AFP: variants seen among roughly 807,000 people sequenced by gnomAD.
The protein encoded by AFP is alpha fetoprotein.
In AFP, 64 loss-of-function variants were observed where a neutral mutation model predicts 78.9. That is an observed-to-expected ratio of 0.81 (90% CI 0.66 to 1.00). The LOEUF (loss-of-function observed/expected upper bound fraction) is 1.00, where lower values mean the gene tolerates loss of function less well. Ranked by LOEUF, AFP falls within the 50% of genes least tolerant of loss-of-function variation. The probability of loss-of-function intolerance (pLI) is 0.00; values close to 1 mark genes in which losing one functional copy is unlikely to be tolerated. For synonymous variants in AFP, 254 were observed against 243.8 expected (o/e 1.04, Z -0.39); for missense variants, 689 against 703.8 (o/e 0.98, Z 0.24).
chr4:73,449,303 T>A, intron 8 of AFP, 32 bp from the exon 9 acceptor site: 1 of 1,599,596 alleles, frequency 6.3e-7, no homozygotes, highest in Non-Finnish European at 8.6e-7. Flanking sequence ...TTAGTTCCAA[T>A]AACTTGAAAT....
chr4:73,437,041 G>A, intron 1 of AFP, 119 bp from the exon 2 acceptor site: 2 of 788,506 alleles, frequency 2.5e-6, no homozygotes, highest in Middle Eastern at 2.7e-4. Context: ...TATCCCTAAT[G>A]TTCTTTTAAT....
intron 11 of AFP, among the ~76,000 whole-genome samples, chr4:73,451,381 A>G (rs182715112): frequency 2.0e-5 from 3 of 152,198 alleles, no homozygotes; most frequent in East Asian, 1.9e-4. Context: ...TATTTTTCCT[A>G]TAAAGTCATA....
chr4:73,443,944 AAAG>A (rs1365865990), intron 6 of AFP, among the ~76,000 whole-genome samples: 1 of 152,170 alleles, frequency 6.6e-6, no homozygotes, highest in Non-Finnish European at 1.5e-5. Flanking sequence ...TGTCAGGAGA[AAAG>A]AACATTTTAA....
At chr4:73,437,760 T>A (rs1462725798) in intron 2 of AFP, among the ~76,000 whole-genome samples, 1 of 152,046 alleles carries the variant, frequency 6.6e-6, no homozygotes, top group Non-Finnish European at 1.5e-5. Context: ...AGCACTGTAG[T>A]CTTGGGTTTT....
intron 8 of AFP, 62 bp from the exon 9 acceptor site, chr4:73,449,273 G>A (rs569289389): frequency 1.4e-6 from 2 of 1,475,328 alleles, no homozygotes; most frequent in South Asian, 2.3e-5. Context: ...AACTGGAGAA[G>A]TGATGGCTCC....
At chr4:73,448,536 A>G (rs1256774419) in intron 8 of AFP, among the ~76,000 whole-genome samples, 1 of 152,194 alleles carries the variant, frequency 6.6e-6, no homozygotes, top group Non-Finnish European at 1.5e-5. Context: ...AAATAAAATT[A>G]TGTAAGCTAG....
chr4:73,449,896 C>A, intron 9 of AFP, 140 bp from the exon 10 acceptor site: 1 of 634,212 alleles, frequency 1.6e-6, no homozygotes, highest in Non-Finnish European at 2.7e-6. Flanking sequence ...CTGTAATTAT[C>A]AAAATTTACA....
intron 10 of AFP, 114 bp downstream of exon 10, chr4:73,450,247 G>T (rs1719950193): frequency 3.3e-6 from 3 of 921,838 alleles, no homozygotes; most frequent in Non-Finnish European, 3.4e-6. Context: ...CTGATCTGTG[G>T]TATTGACTTT....
At chr4:73,437,268 C>A in intron 2 of AFP, 57 bp downstream of exon 2, 1 of 1,445,346 alleles carries the variant, frequency 6.9e-7, no homozygotes, top group Non-Finnish European at 9.7e-7. Context: ...TAAGTAAATA[C>A]TTAAATAAAA....
chr4:73,446,450 C>T (rs1719829667), intron 7 of AFP, among the ~76,000 whole-genome samples: 1 of 152,138 alleles, frequency 6.6e-6, no homozygotes, highest in Non-Finnish European at 1.5e-5. Flanking sequence ...ATTATCTTTG[C>T]TGAGAATGTA....
At chr4:73,449,608 T>G in intron 9 of AFP, 141 bp downstream of exon 9, 2 of 1,008,470 alleles carry the variant, frequency 2.0e-6, no homozygotes, top group Non-Finnish European at 3.0e-6. Context: ...AAGCTGTTAT[T>G]AACTAGCAGT....
intron 14 of AFP, 142 bp downstream of exon 14, chr4:73,455,432 G>A: frequency 1.4e-6 from 1 of 735,712 alleles, no homozygotes. Context: ...AAAAACACTT[G>A]AACAAAATTA....
intron 13 of AFP, among the ~76,000 whole-genome samples, chr4:73,455,010 G>T (rs940298157): frequency 2.0e-5 from 3 of 152,102 alleles, no homozygotes; most frequent in Non-Finnish European, 4.4e-5. Context: ...TTGAGAATAC[G>T]CATTGATTTG....
At chr4:73,450,845 C>T (rs1719972205) in intron 11 of AFP, 92 bp downstream of exon 11, 1 of 1,599,904 alleles carries the variant, frequency 6.3e-7, no homozygotes, top group East Asian at 2.2e-5. Flanking sequence ...ACGGTAAAAA[C>T]CAATGTAGAG....
chr4:73,444,133 T>A (rs1316423328), intron 6 of AFP, among the ~76,000 whole-genome samples: 1 of 152,150 alleles, frequency 6.6e-6, no homozygotes, highest in Non-Finnish European at 1.5e-5. Flanking sequence ...AAATCTAGAA[T>A]GAAGTTTTTA....
rs751871491 is a variant in AFP, at chr4:73,436,355, AT to A, written c.85+12del. 2.0e-6 allele frequency: 3 copies of A among 1,503,918 alleles called. No individual in the cohort carries two copies. The highest frequency in any genetic ancestry group is 2.7e-6 in the Non-Finnish European group (3 of 1,098,680). The allele number at this position is 1,503,918 out of a possible 1,614,324, so 93.2% of individuals were successfully genotyped here. On this transcript the variant is annotated intron_variant, in intron 1 of 14. Transcript: ENST00000395792. ...GAAATGAATATGGAATAGGTGAGATATTTTGTGTTTTTCTTGTCTTTTCTCT... is the reference window on the plus strand; with the variant it reads ...GAAATGAATATGGAATAGGTGAGATATTTGTGTTTTTCTTGTCTTTTCTCT...
rs377110965 is a variant in AFP, at chr4:73,448,011, G to A, written c.1058+335G>A. On this transcript the variant is annotated intron_variant, in intron 8 of 14. Transcript: ENST00000395792. ...AAGGCCACCATTGAACTCTCAAATA[G>A]GATATGGATATTTTTGTAATAAGAA... 3.4e-4 allele frequency among the ~76,000 whole-genome samples: 52 copies of A among 152,136 alleles called. 1 individual carries two copies. In the South Asian group the frequency reaches 7.9e-3, roughly 23 times the overall value.
At chr4:73,443,509 T>C in intron 6 of AFP, 65 bp downstream of exon 6, 1 of 1,297,780 alleles carries the variant, frequency 7.7e-7, no homozygotes, top group Non-Finnish European at 1.1e-6. Context: ...GCAATTTGGG[T>C]TCGTTTTTTT....
Position 73,442,552 on chromosome 4 carries a change from T to G in AFP, c.615+124T>G, listed in dbSNP as rs117516102. ...ATCGTTTTTGGAATAGAGAAATAGT[T>G]CAGCAGTCTGATATTCTTCGAGTGA... On this transcript the variant is annotated intron_variant, in intron 5 of 14. Transcript: ENST00000395792. 5.4e-4 allele frequency: 628 copies of G among 1,159,848 alleles called. 5 individuals carry two copies. In the East Asian group the frequency reaches 0.015, roughly 27 times the overall value. The allele number at this position is 1,159,848 out of a possible 1,614,324, so 71.8% of individuals were successfully genotyped here. A position where few individuals can be genotyped will look rare whatever the true frequency, so the allele number is the denominator to read the frequency against.
Sources: allele counts gnomAD v4.1 joint callset (sites outside exome capture counted in the v4.1 genomes callset), GRCh38; gene constraint gnomAD v4.1.1; transcripts MANE v1.5; gene names NCBI Gene and HGNC (gene_info 2026-07-23, HGNC 2026-07-21).